The following RAD52 variants were observed in gnomAD, a reference collection of about 807,000 sequenced individuals.
RAD52 encodes DNA repair protein RAD52 homolog.
RAD52 carries 47 observed loss-of-function variants against 55.5 expected under a neutral mutation model. The ratio of observed to expected loss-of-function variants is 0.85; its 90% CI spans 0.67 to 1.08. The LOEUF (loss-of-function observed/expected upper bound fraction) is 1.08. Among genes scored for constraint, RAD52 ranks in the 50% least tolerant of loss-of-function variants. The pLI is 0.00. For missense variants in RAD52, 468 were observed against 522.8 expected (o/e 0.90, Z 1.02); for synonymous variants, 184 against 198.9 (o/e 0.92, Z 0.63).
rs779037130 is a variant in RAD52 at position 916,325 on chromosome 12, G to A, written c.865+19C>T. On this transcript the variant is annotated intron_variant, in intron 9 of 11. Transcript: ENST00000358495. ...TCCTGCAGACGCCTCCCAGGGCCCT[G>A]CTCCCACCCCTCGCTCACCCTCACT... 2.5e-6 allele frequency: 4 copies of A among 1,602,540 alleles called. No homozygotes were observed. The highest frequency in any genetic ancestry group is 2.7e-5 in the African/African-American group (2 of 74,898).
Position 941,307 on chromosome 12 carries a change from A to G in RAD52, c.-18-8231T>C, listed in dbSNP as rs186697737. ...TAAGACTTCTGAACTGAAAACCATA[A>G]AACAGAACTAAAAGAATTTTTTTTT... On this transcript the variant is annotated intron_variant, in intron 1 of 11. Transcript: ENST00000358495. Among the ~76,000 whole-genome samples the G allele has an allele frequency of 2.6e-5, 4 of 152,284 alleles. 1 individual carries two copies. Among genetic ancestry groups the G allele is most frequent in the Admixed American group, 2.6e-4 (4 of 15,294 alleles).
At chr12:916,956 TC>T (rs1455369764) in intron 7 of RAD52, 136 bp from the exon 8 acceptor site, 7 of 1,214,504 alleles carry the variant, frequency 5.8e-6, no homozygotes, top group Non-Finnish European at 7.8e-6. Flanking sequence ...GTCCTGTAAC[TC>T]CATGAGCAGG....
At chr12:981,618 G>A (rs1254360252) in intron 1 of RAD52, among the ~76,000 whole-genome samples, 4 of 151,828 alleles carry the variant, frequency 2.6e-5, no homozygotes, top group African/African-American at 4.8e-5. Flanking sequence ...TTAGCCAGGC[G>A]TGGTGGTGCG....
At chr12:956,767 G>A (rs975267178) in intron 1 of RAD52, among the ~76,000 whole-genome samples, 2 of 152,128 alleles carry the variant, frequency 1.3e-5, no homozygotes, top group African/African-American at 4.8e-5. Context: ...GGCTGGTCTT[G>A]AACTCCTGAC....
Position 920,367 on chromosome 12 carries a change from T to C in RAD52, c.544-3547A>G, listed in dbSNP as rs866399484. ...GTCAGGATATCGAGACCATCCTGGC[T>C]AACATGGTGAAACCCCGTCTCTACT... On this transcript the variant is annotated intron_variant, in intron 7 of 11. Transcript: ENST00000358495. Among the ~76,000 whole-genome samples the C allele has an allele frequency of 2.8e-4, 31 of 109,572 alleles. 10 individuals are homozygous for C. The highest frequency in any genetic ancestry group is 1.1e-3 in the African/African-American group (30 of 26,106). 71.9% of individuals were successfully genotyped at this position (109,572 alleles called of 152,430 possible). A position where few individuals can be genotyped will look rare whatever the true frequency, so the allele number is the denominator to read the frequency against.
At chr12:961,297 G>A (rs1392622914) in intron 1 of RAD52, among the ~76,000 whole-genome samples, 5 of 52,774 alleles carry the variant, frequency 9.5e-5, no homozygotes, top group African/African-American at 3.1e-4. Context: ...GTGACAGAGT[G>A]AGACTCCATC....
At chr12:979,456 A>C (rs560919962) in intron 1 of RAD52, among the ~76,000 whole-genome samples, 1 of 152,102 alleles carries the variant, frequency 6.6e-6, no homozygotes, top group South Asian at 2.1e-4. Flanking sequence ...GAAAAAAAAA[A>C]GGTTAATTGA....
intron 1 of RAD52, among the ~76,000 whole-genome samples, chr12:939,086 A>G (rs868242561): frequency 3.4e-5 from 1 of 29,338 alleles, no homozygotes; most frequent in South Asian, 1.1e-3. Context: ...GTGTGTGTGT[A>G]GAGAGAGAGA....
chr12:952,672 G>A (rs1958544674), upstream of RAD52, among the ~76,000 whole-genome samples: 1 of 151,036 alleles, frequency 6.6e-6, no homozygotes, highest in South Asian at 2.1e-4. Context: ...GGATCGCCTT[G>A]ACCAGCCTGG....
chr12:925,061 C>A (rs1956955213), intron 7 of RAD52, among the ~76,000 whole-genome samples: 1 of 151,382 alleles, frequency 6.6e-6, no homozygotes, highest in Non-Finnish European at 1.5e-5. Context: ...CGCCATTCTC[C>A]TGCCTCAGCC....
intron 1 of RAD52, among the ~76,000 whole-genome samples, chr12:986,703 TG>T: frequency 6.6e-6 from 1 of 151,946 alleles, no homozygotes; most frequent in South Asian, 2.1e-4. Flanking sequence ...ATTAATAGGT[TG>T]GGTGTAAAAG....
At position 920,000 on chromosome 12, in the gene RAD52, C is replaced by T. The variant is rs1329295703; in HGVS notation, c.544-3180G>A. On this transcript the variant is annotated intron_variant, in intron 7 of 11. Transcript: ENST00000358495. Reference sequence around the variant, plus strand: ...CTGGGAGGCAGAGATGGCAGTGAGCCGAGATCACACAATTGCACCCCAGCC... The same window carrying T: ...CTGGGAGGCAGAGATGGCAGTGAGCTGAGATCACACAATTGCACCCCAGCC... Among the ~76,000 whole-genome samples, 7 of 112,470 alleles carry T rather than the reference C, an allele frequency of 6.2e-5. 1 individual carries two copies. Among genetic ancestry groups the T allele is most frequent in the Non-Finnish European group, 7.5e-5 (4 of 53,482 alleles). 73.8% of individuals were successfully genotyped at this position (112,470 alleles called of 152,430 possible).
At chr12:925,152 G>T (rs1192482323) in intron 7 of RAD52, among the ~76,000 whole-genome samples, 1 of 151,878 alleles carries the variant, frequency 6.6e-6, no homozygotes, top group South Asian at 2.1e-4. Context: ...GGGTTTCACC[G>T]TGTTAGCCAG....
upstream of RAD52, among the ~76,000 whole-genome samples, chr12:950,566 C>A (rs772976243): frequency 1.1e-3 from 104 of 93,626 alleles, no homozygotes; most frequent in Middle Eastern, 5.4e-3. Context: ...AGCGAGGCTC[C>A]GTCTCAAAAA....
intron 3 of RAD52, 100 bp from the exon 4 acceptor site, chr12:930,244 C>T (rs893762713): frequency 1.5e-4 from 150 of 971,176 alleles, no homozygotes; most frequent in African/African-American, 6.6e-5. Context: ...CTACTTTTTT[C>T]GATAAACTGT....
chr12:931,173 A>C (rs1957308509), intron 3 of RAD52, 47 bp downstream of exon 3: 1 of 1,467,992 alleles, frequency 6.8e-7, no homozygotes, highest in African/African-American at 1.4e-5. Flanking sequence ...AGACCATCGG[A>C]GTCTGCGGTA....
In RAD52 at chr12:913,401, T is replaced by C. The variant is rs545208898; in HGVS notation, c.1247A>G (p.Asp416Gly). The C allele has an allele frequency of 1.2e-5, 19 of 1,606,386 alleles. No homozygotes were observed. Among genetic ancestry groups the C allele is most frequent in the Non-Finnish European group, 1.5e-5 (18 of 1,173,102 alleles). ...KSQDMKKRKY[D>G]PS ...TGGCCTGAGCCTCAGTTAAGATGGA[T>C]CATATTTCCTTTTCTTCATGTCCTG... The change falls in exon 12 of 12, where the codon GAT becomes GGT. Residue 416 changes from aspartate to glycine, a missense_variant. By Grantham distance (94) the Asp-to-Gly change is moderately conservative. Transcript: ENST00000358495.
intron 1 of RAD52, among the ~76,000 whole-genome samples, chr12:935,376 G>A (rs2154115766): frequency 7.5e-6 from 1 of 134,068 alleles, no homozygotes; most frequent in East Asian, 2.4e-4. Context: ...CATCACCTGT[G>A]AATCTTTTTT....
At chr12:924,557 G>C (rs1312233107) in intron 7 of RAD52, among the ~76,000 whole-genome samples, 1 of 152,192 alleles carries the variant, frequency 6.6e-6, no homozygotes, top group Non-Finnish European at 1.5e-5. Flanking sequence ...GGATGGGAAT[G>C]CTGCCCTGGG....
Sources: allele counts gnomAD v4.1 joint callset (sites outside exome capture counted in the v4.1 genomes callset), GRCh38; gene constraint gnomAD v4.1.1; transcripts MANE v1.5; gene names NCBI Gene and HGNC (gene_info 2026-07-23, HGNC 2026-07-21).